Variants in RELCH observed in about 807,000 individuals in gnomAD.
RELCH encodes RAB11-binding protein RELCH.
Under a neutral mutation model 150.3 loss-of-function variants are expected in RELCH, and 41 were observed. The observed-to-expected ratio is 0.27, with a 90% CI of 0.21 to 0.35. The LOEUF (loss-of-function observed/expected upper bound fraction) is 0.35. RELCH is among the 10% of genes least tolerant of loss of function. The pLI, the probability that RELCH is intolerant of heterozygous loss-of-function variation, is 1.00. For synonymous variants in RELCH, 478 were observed against 531.8 expected, an observed-to-expected ratio of 0.90 and a Z score of 1.39; for missense variants, 1,092 against 1,467.8, an observed-to-expected ratio of 0.74 and a Z score of 4.18.
At chr18:62,196,727 GT>G (rs1379984002) in intron 1 of RELCH, among the ~76,000 whole-genome samples, 3 of 152,066 alleles carry the variant, frequency 2.0e-5, no homozygotes, top group African/African-American at 4.8e-5. Flanking sequence ...CCTGAATATA[GT>G]TGGTATTCAG....
intron 1 of RELCH, among the ~76,000 whole-genome samples, chr18:62,207,952 G>A (rs748743919): frequency 2.0e-5 from 3 of 152,158 alleles, no homozygotes; most frequent in Admixed American, 1.3e-4. Flanking sequence ...CTTTTATTTA[G>A]TATAATGTTT....
Position 62,275,483 on chromosome 18 carries a change from C to A in RELCH, c.2967+10C>A. 3 of 1,494,730 alleles carry A rather than the reference C, an allele frequency of 2.0e-6. No individual in the cohort carries two copies. The highest frequency in any genetic ancestry group is 1.9e-6 in the Non-Finnish European group (2 of 1,072,752). The allele number at this position is 1,494,730 out of a possible 1,614,324, so 92.6% of individuals were successfully genotyped here. ...TGCTAGAATGTTTGAGGTATGTCAA[C>A]ACATGCCTCTGTTGGTTTCAATTAT... On this transcript the variant is annotated intron_variant, in intron 22 of 28. Transcript: ENST00000644646.
chr18:62,249,139 AATTTC>A (rs1195745971), intron 11 of RELCH, among the ~76,000 whole-genome samples: 2 of 152,212 alleles, frequency 1.3e-5, no homozygotes, highest in Non-Finnish European at 2.9e-5. Flanking sequence ...AGCTTTATGT[AATTTC>A]AGTACTTGCT....
intron 22 of RELCH, among the ~76,000 whole-genome samples, chr18:62,276,053 G>A (rs901852844): frequency 2.0e-5 from 3 of 152,132 alleles, no homozygotes; most frequent in Admixed American, 2.0e-4. Context: ...GTATGAAATT[G>A]AAATAACTAT....
chr18:62,213,010 G>A (rs1433836998), intron 2 of RELCH, among the ~76,000 whole-genome samples: 1 of 152,188 alleles, frequency 6.6e-6, no homozygotes, highest in Non-Finnish European at 1.5e-5. Flanking sequence ...GGCTCTCCAT[G>A]TCAAATCATG....
intron 2 of RELCH, among the ~76,000 whole-genome samples, chr18:62,211,951 C>T (rs1281150347): frequency 6.6e-6 from 1 of 152,082 alleles, no homozygotes; most frequent in Non-Finnish European, 1.5e-5. Context: ...ATGATTGGTC[C>T]AGTAAGGGCC....
At chr18:62,227,123 T>C (rs1165732213) in intron 5 of RELCH, among the ~76,000 whole-genome samples, 166 bp from the exon 6 acceptor site, 1 of 151,452 alleles carries the variant, frequency 6.6e-6, no homozygotes, top group African/African-American at 2.4e-5. Context: ...AGCCCAGGAG[T>C]TTGAGGCTAC....
chr18:62,275,366 T>G lies in RELCH; in HGVS notation c.2868-8T>G, dbSNP rs776514757. ...AATTTTAACACTGTTTTTTTTTTTT[T>G]CTTCTAGTGCAAACCCAGCCTACCA... On this transcript the variant is annotated splice_polypyrimidine_tract_variant and splice_region_variant and intron_variant, in intron 21 of 28. Transcript: ENST00000644646. 4 of 1,506,552 alleles carry G rather than the reference T, an allele frequency of 2.7e-6. No homozygotes were observed. In the South Asian group the frequency reaches 3.8e-5, roughly 14 times the overall value. 93.3% of individuals were successfully genotyped at this position (1,506,552 alleles called of 1,614,324 possible). A position where few individuals can be genotyped will look rare whatever the true frequency, so the allele number is the denominator to read the frequency against.
rs147104823 is a variant in RELCH at position 62,232,362 on chromosome 18, G to A, written c.1555G>A (p.Val519Ile). ...TCGTATTGCAGACAGTGAAAAAAGCGTTATGTTAATGCTGGGACGCTGCCT... is the reference window on the plus strand; with the variant it reads ...TCGTATTGCAGACAGTGAAAAAAGCATTATGTTAATGCTGGGACGCTGCCT... ...VSRIADSEKSVMLMLGRCLPH... is the reference protein window; with the variant it reads ...VSRIADSEKSIMLMLGRCLPH... The change falls in exon 10 of 29, where the codon GTT becomes ATT. Residue 519 changes from valine to isoleucine, a missense_variant. Around this residue, in one of 4 missense-constraint regions of RELCH, gnomAD observed 707 missense variants for 1,025.4 expected, o/e 0.69. Coordinates refer to ENST00000644646, the MANE Select transcript of RELCH (RefSeq NM_001346231.2). 8.6e-5 allele frequency: 139 copies of A among 1,611,388 alleles called. No individual in the cohort carries two copies. Among genetic ancestry groups the A allele is most frequent in the African/African-American group, 3.7e-4 (28 of 74,718 alleles).
intron 1 of RELCH, among the ~76,000 whole-genome samples, chr18:62,192,586 A>G (rs976773026): frequency 2.0e-5 from 3 of 152,192 alleles, no homozygotes; most frequent in African/African-American, 4.8e-5. Flanking sequence ...GAAGGAGTCC[A>G]GTGTCGATTT....
chr18:62,231,178 A>G lies in RELCH; in HGVS notation c.1449-16A>G, dbSNP rs2148430238. 6.6e-7 allele frequency: 1 copy of G among 1,512,546 alleles called. No homozygotes were observed. The highest frequency in any genetic ancestry group is 2.3e-5 in the East Asian group (1 of 43,806). 93.7% of individuals were successfully genotyped at this position (1,512,546 alleles called of 1,614,324 possible). A position where few individuals can be genotyped will look rare whatever the true frequency, so the allele number is the denominator to read the frequency against. On this transcript the variant is annotated splice_polypyrimidine_tract_variant and intron_variant, in intron 8 of 28. Coordinates refer to ENST00000644646, the MANE Select transcript of RELCH (RefSeq NM_001346231.2). ...AATTATTTGATATTGTCTCTTTTTC[A>G]TACATTTTCTTCTAGGAAATTGTCT...
chr18:62,187,402 G>C lies in RELCH; in HGVS notation c.-104G>C. On this transcript the variant is annotated 5_prime_UTR_variant, in exon 1 of 29. Transcript: ENST00000644646. ...TAAGTCGGGAGGCAGGACGTGGTCAGGCCGGGGCTGTGGAGGTGCGCTGTG... is the reference window on the plus strand; with the variant it reads ...TAAGTCGGGAGGCAGGACGTGGTCACGCCGGGGCTGTGGAGGTGCGCTGTG... The C allele has an allele frequency of 1.7e-6, 2 of 1,192,324 alleles. No individual in the cohort carries two copies. Among genetic ancestry groups the C allele is most frequent in the Non-Finnish European group, 2.3e-6 (2 of 882,008 alleles). 73.9% of individuals were successfully genotyped at this position (1,192,324 alleles called of 1,614,324 possible). A position where few individuals can be genotyped will look rare whatever the true frequency, so the allele number is the denominator to read the frequency against.
intron 21 of RELCH, 144 bp downstream of exon 21, chr18:62,274,230 T>C (rs2044070095): frequency 1.7e-6 from 1 of 585,692 alleles, no homozygotes. Context: ...TTGTGTATTT[T>C]AGTTTGTTTC....
At chr18:62,304,694 C>T (rs1204469633) in intron 28 of RELCH, among the ~76,000 whole-genome samples, 1 of 152,134 alleles carries the variant, frequency 6.6e-6, no homozygotes, top group Non-Finnish European at 1.5e-5. Context: ...AAAAATTGTG[C>T]TTGATCAGTA....
At chr18:62,294,711 C>A (rs1235223249) in intron 27 of RELCH, among the ~76,000 whole-genome samples, 1 of 152,078 alleles carries the variant, frequency 6.6e-6, no homozygotes, top group Admixed American at 6.5e-5. Context: ...TTATAAAAGA[C>A]ATTATTTCCT....
At chr18:62,202,588 G>T (rs1217650449) in intron 1 of RELCH, among the ~76,000 whole-genome samples, 1 of 151,964 alleles carries the variant, frequency 6.6e-6, no homozygotes, top group Non-Finnish European at 1.5e-5. Flanking sequence ...TTTTTCAACG[G>T]CCATGATAAT....
chr18:62,247,276 A>T (rs1427581025), intron 11 of RELCH: 2 of 152,182 alleles, frequency 1.3e-5, no homozygotes, highest in Admixed American at 6.5e-5. Flanking sequence ...ATAAAGGCAT[A>T]TCTTAGAAAA....
intron 3 of RELCH, 50 bp downstream of exon 3, chr18:62,221,158 A>G: frequency 6.3e-7 from 1 of 1,593,426 alleles, no homozygotes; most frequent in East Asian, 2.2e-5. Context: ...ACAATGTAGA[A>G]GTAGCTGAGA....
chr18:62,293,578 G>A (rs1196677779), intron 27 of RELCH, among the ~76,000 whole-genome samples: 2 of 152,048 alleles, frequency 1.3e-5, no homozygotes, highest in Non-Finnish European at 2.9e-5. Flanking sequence ...AGCAATGCCT[G>A]GGTCACTGTT....
Sources: allele counts gnomAD v4.1 joint callset (sites outside exome capture counted in the v4.1 genomes callset), GRCh38; gene constraint gnomAD v4.1.1; regional missense constraint gnomAD v4.1.1; transcripts MANE v1.5; gene names NCBI Gene and HGNC (gene_info 2026-07-23, HGNC 2026-07-21).